ESRRG: variants seen among roughly 807,000 people sequenced by gnomAD.
ESRRG encodes the protein estrogen-related receptor gamma.
Under a neutral mutation model 44.0 loss-of-function variants are expected in ESRRG, and 13 were observed. The ratio of observed to expected loss-of-function variants is 0.30; its 90% CI spans 0.19 to 0.47. ESRRG has a LOEUF of 0.47. ESRRG is among the 20% of genes least tolerant of loss of function. The pLI is 1.00. For missense variants in ESRRG, 395 were observed against 580.6 expected, an observed-to-expected ratio of 0.68 and a Z score of 3.29; for synonymous variants, 215 against 214.6, an observed-to-expected ratio of 1.00 and a Z score of -0.02.
At chr1:216,530,304 G>GTCTA (rs532896655) in intron 5 of ESRRG, among the ~76,000 whole-genome samples, 11,809 of 116,260 alleles carry the variant, frequency 0.1, 602 homozygotes, top group African/African-American at 0.18. Flanking sequence ...ATATATTAAG[G>GTCTA]TCTATCTATC....
At chr1:216,690,942 T>A (rs1316959331) in intron 1 of ESRRG, among the ~76,000 whole-genome samples, 2 of 152,212 alleles carry the variant, frequency 1.3e-5, no homozygotes, top group African/African-American at 4.8e-5. Flanking sequence ...TAAAAACTTA[T>A]AAAATCCTTG....
chr1:217,109,245 C>T (rs830304), intron 1 of ESRRG, among the ~76,000 whole-genome samples: 143,086 of 152,186 alleles, frequency 0.94, 67,503 homozygotes, highest in East Asian at 1. Context: ...TAAGGGAACT[C>T]CATAGAATGG....
intron 1 of ESRRG, among the ~76,000 whole-genome samples, chr1:216,977,210 C>A (rs1219049902): frequency 6.6e-6 from 1 of 152,094 alleles, no homozygotes; most frequent in Non-Finnish European, 1.5e-5. Flanking sequence ...TAGACTCGCA[C>A]ATTTACTCTA....
At chr1:216,906,630 A>G (rs2059714286) in intron 2 of ESRRG, among the ~76,000 whole-genome samples, 1 of 152,214 alleles carries the variant, frequency 6.6e-6, no homozygotes, top group Non-Finnish European at 1.5e-5. Context: ...AAATACACTT[A>G]TCATAATGAA....
At chr1:216,971,887 G>A (rs779939807) in intron 1 of ESRRG, among the ~76,000 whole-genome samples, 30 of 152,230 alleles carry the variant, frequency 2.0e-4, no homozygotes, top group Admixed American at 4.6e-4. Flanking sequence ...CTTCAGCTAC[G>A]CTAATCTCTT....
chr1:216,709,393 T>A (rs1176878864), intron 1 of ESRRG, among the ~76,000 whole-genome samples: 2 of 151,280 alleles, frequency 1.3e-5, no homozygotes, highest in South Asian at 2.1e-4. Flanking sequence ...AATTGTTATT[T>A]TCTTATTTCA....
At chr1:217,043,977 G>C (rs2084365873) in intron 1 of ESRRG, among the ~76,000 whole-genome samples, 1 of 150,770 alleles carries the variant, frequency 6.6e-6, no homozygotes, top group Admixed American at 6.6e-5. Context: ...CCAATTTTTA[G>C]AAAAGAAACC....
intron 2 of ESRRG, among the ~76,000 whole-genome samples, chr1:216,822,002 G>T (rs1038554132): frequency 6.6e-5 from 10 of 151,954 alleles, no homozygotes; most frequent in African/African-American, 1.9e-4. Flanking sequence ...AAGCAGAAGG[G>T]GGGTTAGATC....
At chr1:216,522,374 G>A (rs1306455614) in intron 5 of ESRRG, among the ~76,000 whole-genome samples, 1 of 144,986 alleles carries the variant, frequency 6.9e-6, no homozygotes, top group African/African-American at 2.6e-5. Context: ...GCTGATTAAA[G>A]GAAGTATACT....
chr1:216,805,952 G>A (rs961379778), intron 2 of ESRRG, among the ~76,000 whole-genome samples: 8 of 152,132 alleles, frequency 5.3e-5, no homozygotes, highest in African/African-American at 1.9e-4. Flanking sequence ...GAACCCAAAC[G>A]TGGTTAGCTG....
chr1:216,812,085 C>T (rs1340760267), intron 2 of ESRRG, among the ~76,000 whole-genome samples: 1 of 152,132 alleles, frequency 6.6e-6, no homozygotes, highest in African/African-American at 2.4e-5. Context: ...AAAACAGTAA[C>T]AGACTGTCCT....
intron 1 of ESRRG, among the ~76,000 whole-genome samples, chr1:217,095,816 A>G (rs830309): frequency 0.96 from 146,346 of 152,260 alleles, 70,616 homozygotes; most frequent in Middle Eastern, 1. Context: ...AGGAGTTTGA[A>G]GCTACAGTGC....
intron 2 of ESRRG, among the ~76,000 whole-genome samples, chr1:216,843,003 A>T (rs1202917715): frequency 6.6e-6 from 1 of 152,158 alleles, no homozygotes; most frequent in Admixed American, 6.5e-5. Flanking sequence ...GGTCTGGATT[A>T]AATCTTTCTT....
chr1:216,779,536 A>T (rs1203426251), intron 2 of ESRRG, among the ~76,000 whole-genome samples: 1 of 103,708 alleles, frequency 9.6e-6, no homozygotes, highest in Non-Finnish European at 1.8e-5. Flanking sequence ...ATAAATATTT[A>T]TATTTATATA....
At chr1:216,564,927 T>C (rs895622345) in intron 4 of ESRRG, among the ~76,000 whole-genome samples, 1 of 152,154 alleles carries the variant, frequency 6.6e-6, no homozygotes, top group Non-Finnish European at 1.5e-5. Flanking sequence ...TATATAACTC[T>C]ATCTCCGTGG....
chr1:216,582,718 G>A (rs2063031606), intron 3 of ESRRG, among the ~76,000 whole-genome samples: 1 of 152,170 alleles, frequency 6.6e-6, no homozygotes, highest in Non-Finnish European at 1.5e-5. Flanking sequence ...ATTACACCAA[G>A]TTCATCATCA....
intron 1 of ESRRG, among the ~76,000 whole-genome samples, chr1:217,043,303 T>C (rs1485205400): frequency 1.3e-5 from 2 of 152,098 alleles, no homozygotes; most frequent in Non-Finnish European, 2.9e-5. Flanking sequence ...TTTCCATAAA[T>C]GGAAAGAAGG....
chr1:216,718,422 A>G, intron 1 of ESRRG, among the ~76,000 whole-genome samples: 1 of 152,064 alleles, frequency 6.6e-6, no homozygotes, highest in South Asian at 2.1e-4. Context: ...ATTTATTAAT[A>G]ATAGTATAGT....
At chr1:216,713,039 C>T (rs542813010) in intron 1 of ESRRG, among the ~76,000 whole-genome samples, 14 of 152,126 alleles carry the variant, frequency 9.2e-5, no homozygotes, top group South Asian at 2.1e-4. Context: ...ATGTATAGAA[C>T]GGTGGTGCCT....
Sources: allele counts gnomAD v4.1 joint callset (sites outside exome capture counted in the v4.1 genomes callset), GRCh38; gene constraint gnomAD v4.1.1; transcripts MANE v1.5; gene names NCBI Gene and HGNC (gene_info 2026-07-23, HGNC 2026-07-21).